Variants in SLC4A7 observed in about 807,000 individuals in gnomAD.
The protein encoded by SLC4A7 is sodium bicarbonate cotransporter 3.
SLC4A7 carries 51 observed loss-of-function variants against 137.6 expected under a neutral mutation model. That is an observed-to-expected ratio of 0.37 (90% CI 0.30 to 0.47). The LOEUF (loss-of-function observed/expected upper bound fraction) is 0.47. SLC4A7 is among the 20% of genes least tolerant of loss of function. The pLI is 1.00. For synonymous variants in SLC4A7, 542 were observed against 518.6 expected (o/e 1.05, Z -0.61); for missense variants, 1,247 against 1,525.4 (o/e 0.82, Z 3.04).
intron 7 of SLC4A7, among the ~76,000 whole-genome samples, chr3:27,429,693 T>C (rs1488981732): frequency 6.6e-6 from 1 of 151,310 alleles, no homozygotes; most frequent in Non-Finnish European, 1.5e-5. Context: ...CTACTAAAAA[T>C]ACAAAAATTA....
chr3:27,382,925 G>C (rs1229656788), intron 24 of SLC4A7, among the ~76,000 whole-genome samples: 1 of 152,172 alleles, frequency 6.6e-6, no homozygotes, highest in Non-Finnish European at 1.5e-5. Context: ...GGCTTGGCAT[G>C]GAAGTTAGTT....
At chr3:27,484,017 G>T in intron 1 of SLC4A7, 50 bp downstream of exon 1, 1 of 1,317,608 alleles carries the variant, frequency 7.6e-7, no homozygotes, top group Non-Finnish European at 9.8e-7. Context: ...TGTCTGCCTC[G>T]CCCCGCGCCC....
chr3:27,376,712 G>A lies in SLC4A7; in HGVS notation c.*52C>T, dbSNP rs372055866. 15 of 1,036,256 alleles carry A rather than the reference G, an allele frequency of 1.4e-5. No homozygotes were observed. Among genetic ancestry groups the A allele is most frequent in the South Asian group, 2.7e-5 (2 of 74,452 alleles). The allele number at this position is 1,036,256 out of a possible 1,614,324, so 64.2% of individuals were successfully genotyped here. A position where few individuals can be genotyped will look rare whatever the true frequency, so the allele number is the denominator to read the frequency against. On this transcript the variant is annotated 3_prime_UTR_variant, in exon 26 of 26. Coordinates refer to ENST00000454389, the MANE Select transcript of SLC4A7 (RefSeq NM_001321103.2). ...ATTCTTATATATAGTGACATGATAC[G>A]CACACATTACATATGTATATATCTA...
In SLC4A7 at chr3:27,484,209, G is replaced by T; in HGVS notation, c.-83C>A. 3.5e-6 allele frequency: 4 copies of T among 1,132,840 alleles called. No individual in the cohort carries two copies. The highest frequency in any genetic ancestry group is 4.5e-6 in the Non-Finnish European group (4 of 898,756). 70.2% of individuals were successfully genotyped at this position (1,132,840 alleles called of 1,614,324 possible). On this transcript the variant is annotated 5_prime_UTR_variant, in exon 1 of 26. Transcript: ENST00000454389. ...TTCTGCCGCTGCCCCTGCCGCCGCC[G>T]CCGAGCCCCCGGCGCGCGAGGACAA... is the stretch of plus-strand genomic sequence containing the variant.
At chr3:27,443,950 C>T (rs970281832) in intron 3 of SLC4A7, among the ~76,000 whole-genome samples, 5 of 152,168 alleles carry the variant, frequency 3.3e-5, no homozygotes, top group African/African-American at 1.2e-4. Flanking sequence ...AGAGAACATA[C>T]TTTCACTTCT....
intron 1 of SLC4A7, among the ~76,000 whole-genome samples, chr3:27,471,752 C>T (rs1257751244): frequency 6.6e-6 from 1 of 152,182 alleles, no homozygotes; most frequent in African/African-American, 2.4e-5. Context: ...ATTTTATAAA[C>T]TGTGGTTCAC....
intron 20 of SLC4A7, among the ~76,000 whole-genome samples, chr3:27,394,126 C>T (rs2051887389): frequency 6.6e-6 from 1 of 150,678 alleles, no homozygotes; most frequent in South Asian, 2.1e-4. Flanking sequence ...TCAAGCGATC[C>T]TCCCACCTCA....
chr3:27,431,731 T>C, intron 6 of SLC4A7, 62 bp from the exon 7 acceptor site: 1 of 1,458,010 alleles, frequency 6.9e-7, no homozygotes, highest in Non-Finnish European at 9.1e-7. Context: ...ATAGAGACAT[T>C]TAAAAAAAAA....
intron 14 of SLC4A7, among the ~76,000 whole-genome samples, 182 bp from the exon 15 acceptor site, chr3:27,403,566 T>C (rs2053011552): frequency 6.8e-6 from 1 of 146,984 alleles, no homozygotes; most frequent in Non-Finnish European, 1.5e-5. Flanking sequence ...GGCTGAAGAC[T>C]AGCTTATTAG....
At chr3:27,473,188 A>C (rs2059325369) in intron 1 of SLC4A7, among the ~76,000 whole-genome samples, 1 of 152,122 alleles carries the variant, frequency 6.6e-6, no homozygotes, top group South Asian at 2.1e-4. Context: ...AGTCTCAGCT[A>C]CTTAGGTGGC....
chr3:27,422,658 TAATTAC>T, intron 8 of SLC4A7: 1 of 373,060 alleles, frequency 2.7e-6, no homozygotes, highest in Non-Finnish European at 5.5e-6. Flanking sequence ...TTTCTGTGTA[TAATTAC>T]AAGGAAAAGG....
In SLC4A7 at chr3:27,418,598, C is replaced by G. The variant is rs2054621994; in HGVS notation, c.1547G>C (p.Arg516Thr). 6.3e-7 allele frequency: 1 copy of G among 1,596,294 alleles called. No homozygotes were observed. The highest frequency in any genetic ancestry group is 1.7e-5 in the Admixed American group (1 of 59,434). ...FHDVAYKAKD[R>T]NDLLSGIDEF... Reference sequence around the variant, plus strand: ...ATCAATTCCAGATAAGAGGTCATTTCTGTCTTTTGCTTTATAAGCTACATC... The same window carrying G: ...ATCAATTCCAGATAAGAGGTCATTTGTGTCTTTTGCTTTATAAGCTACATC... Residue 516 changes from arginine to threonine, a missense_variant, in exon 11 of 26, where the codon AGA becomes ACA. Transcript: ENST00000454389.
At position 27,450,591 on chromosome 3, in the gene SLC4A7, C is replaced by T. The variant is rs558418571; in HGVS notation, c.143-1794G>A. Among the ~76,000 whole-genome samples the T allele has an allele frequency of 7.2e-5, 11 of 152,146 alleles. No homozygotes were observed. In the South Asian group the frequency reaches 2.1e-3, roughly 29 times the overall value. ...TACAAAGTTGTTCCTCCAATTAGTA[C>T]TAATGGGTCTTGGCACAGAAGCCCC... On this transcript the variant is annotated intron_variant, in intron 2 of 25. Transcript: ENST00000454389.
intron 7 of SLC4A7, among the ~76,000 whole-genome samples, chr3:27,427,870 T>C (rs1238773039): frequency 2.0e-5 from 3 of 152,310 alleles, no homozygotes; most frequent in Non-Finnish European, 4.4e-5. Context: ...CAAAAACTCA[T>C]GGGAAAAAAT....
chr3:27,438,277 C>T (rs776570694), intron 3 of SLC4A7, among the ~76,000 whole-genome samples: 21 of 149,940 alleles, frequency 1.4e-4, no homozygotes, highest in South Asian at 8.4e-4. Context: ...GAGGCCGAGG[C>T]GGTTGGATCA....
rs1362326467 is a variant in SLC4A7, at chr3:27,448,643, T to C, written c.289+8A>G. 4 of 1,604,906 alleles carry C rather than the reference T, an allele frequency of 2.5e-6. No homozygotes were observed. Among genetic ancestry groups the C allele is most frequent in the Middle Eastern group, 1.7e-4 (1 of 5,984 alleles). ...TTAAACTGCTAAAGAAGAACTGTTTTCTCTTACCATAAGAAGGAGATTCCC... is the reference window on the plus strand; with the variant it reads ...TTAAACTGCTAAAGAAGAACTGTTTCCTCTTACCATAAGAAGGAGATTCCC... On this transcript the variant is annotated splice_region_variant and intron_variant, in intron 3 of 25. Transcript: ENST00000454389.
chr3:27,483,562 G>A (rs9848711), intron 1 of SLC4A7, among the ~76,000 whole-genome samples: 5,294 of 152,316 alleles, frequency 0.035, 107 homozygotes, highest in East Asian at 0.065. Context: ...CTCGGAAAGA[G>A]GGGGAAAGAT....
At chr3:27,380,564 G>A (rs1271301278) in intron 24 of SLC4A7, among the ~76,000 whole-genome samples, 3 of 152,090 alleles carry the variant, frequency 2.0e-5, no homozygotes, top group East Asian at 3.8e-4. Flanking sequence ...AAATACAAAT[G>A]TCAAATTAGG....
At chr3:27,398,111 A>T in intron 17 of SLC4A7, 81 bp downstream of exon 17, 1 of 1,011,044 alleles carries the variant, frequency 9.9e-7, no homozygotes, top group Non-Finnish European at 1.5e-6. Context: ...CAAAAAATAT[A>T]TTACTGTTTT....
Sources: allele counts gnomAD v4.1 joint callset (sites outside exome capture counted in the v4.1 genomes callset), GRCh38; gene constraint gnomAD v4.1.1; transcripts MANE v1.5; gene names NCBI Gene and HGNC (gene_info 2026-07-23, HGNC 2026-07-21).